The following ZBBX variants were observed in gnomAD, a reference collection of about 807,000 sequenced individuals.
The protein encoded by ZBBX is zinc finger B-box domain-containing protein 1.
In ZBBX, 101 loss-of-function variants were observed where a neutral mutation model predicts 108.5. That is an observed-to-expected ratio of 0.93 (90% confidence interval 0.79 to 1.10). The LOEUF (loss-of-function observed/expected upper bound fraction) is 1.10, where lower values mean the gene tolerates loss of function less well. Ranked by LOEUF, ZBBX falls within the 50% of genes least tolerant of loss-of-function variation. The probability of loss-of-function intolerance (pLI) is 0.00; values close to 1 mark genes in which losing one functional copy is unlikely to be tolerated. For missense variants in ZBBX, 1,009 were observed against 941.4 expected (o/e 1.07, Z -0.94); for synonymous variants, 356 against 323.4 (o/e 1.10, Z -1.08).
At chr3:167,333,577 G>A (rs1739030453) in intron 10 of ZBBX, among the ~76,000 whole-genome samples, 1 of 152,146 alleles carries the variant, frequency 6.6e-6, no homozygotes, top group South Asian at 2.1e-4. Flanking sequence ...TGACATGGAT[G>A]AAAATGTCCA....
intron 16 of ZBBX, among the ~76,000 whole-genome samples, chr3:167,307,820 A>T (rs1406224736): frequency 1.3e-5 from 2 of 152,106 alleles, no homozygotes; most frequent in Non-Finnish European, 2.9e-5. Context: ...AACTCAAGAT[A>T]GATTAAATAC....
intron 20 of ZBBX, among the ~76,000 whole-genome samples, chr3:167,259,942 T>G (rs1473876112): frequency 6.6e-6 from 1 of 152,206 alleles, no homozygotes; most frequent in East Asian, 1.9e-4. Flanking sequence ...TGAATTAAGC[T>G]TTAAACAGGT....
Position 167,298,419 on chromosome 3 carries a change from T to C in ZBBX, c.1765A>G (p.Lys589Glu), listed in dbSNP as rs1322794743. 6.3e-7 allele frequency: 1 copy of C among 1,576,268 alleles called. No individual in the cohort carries two copies. Among genetic ancestry groups the C allele is most frequent in the Non-Finnish European group, 8.6e-7 (1 of 1,156,958 alleles). Reference sequence around the variant, plus strand: ...AATCTCTCAAGTCCTTGATATTGTTTTGTTATAGGCTTACTTCTGCAGGCT... The same window carrying C: ...AATCTCTCAAGTCCTTGATATTGTTCTGTTATAGGCTTACTTCTGCAGGCT... ...EIACRSKPIT[K>E]QYQGLERFFI... is the part of the protein sequence containing the mutation. The change falls in exon 18 of 22, where the codon AAA (lysine) becomes GAA (glutamate). Residue 589 changes from lysine (K) to glutamate (E), a missense_variant. By Grantham distance (56) the Lys-to-Glu change is moderately conservative. Coordinates refer to ENST00000675490, the MANE Select transcript of ZBBX (RefSeq NM_001199201.2).
Position 167,313,998 on chromosome 3 carries a change from T to C in ZBBX, c.1393A>G (p.Thr465Ala). 5.6e-6 allele frequency: 9 copies of C among 1,602,142 alleles called. No individual in the cohort carries two copies. The highest frequency in any genetic ancestry group is 6.8e-6 in the Non-Finnish European group (8 of 1,174,738). Reference protein sequence around the residue: ...FLNLCLRNSSTYYKDNSKAET... With the variant: ...FLNLCLRNSSAYYKDNSKAET... ...CCTTTTGAATTATCTTTATAATAAG[T>C]AGAGCTGTTTCTCAGACAAAGATTT... The change falls in exon 16 of 22, where the codon ACT becomes GCT. Residue 465 changes from threonine to alanine, a missense_variant. By Grantham distance (58) the Thr-to-Ala change is moderately conservative. Coordinates refer to ENST00000675490, the MANE Select transcript of ZBBX (RefSeq NM_001199201.2).
In ZBBX at chr3:167,377,674, A is replaced by G. The variant is rs190461387; in HGVS notation, c.-132+1964T>C. ...CTATCTGTAATTATCCTTATTTTAA[A>G]TATATATATTTTTTAAAATATTTAA... is the stretch of plus-strand genomic sequence containing the variant. On this transcript the variant is annotated intron_variant, in intron 2 of 21. Transcript: ENST00000675490. 7.2e-5 allele frequency among the ~76,000 whole-genome samples: 11 copies of G among 151,740 alleles called. No homozygotes were observed. In the East Asian group the frequency reaches 1.7e-3, roughly 24 times the overall value.
chr3:167,399,532 A>C (rs931179273), intron 1 of ZBBX: 1 of 152,152 alleles, frequency 6.6e-6, no homozygotes, highest in Non-Finnish European at 1.5e-5. Flanking sequence ...TGACTGAAAA[A>C]AGATTGACTG....
At chr3:167,279,501 C>T (rs1351519731) in intron 20 of ZBBX, among the ~76,000 whole-genome samples, 1 of 150,774 alleles carries the variant, frequency 6.6e-6, no homozygotes, top group African/African-American at 2.4e-5. Flanking sequence ...TTCACAATTG[C>T]TTCAAAGAGA....
intron 11 of ZBBX, among the ~76,000 whole-genome samples, 167 bp downstream of exon 11, chr3:167,327,775 A>T (rs1352605418): frequency 6.6e-6 from 1 of 151,886 alleles, no homozygotes; most frequent in Admixed American, 6.6e-5. Context: ...TTAGCCAGGC[A>T]TGGTGGCACG....
At chr3:167,187,059 T>C in the ZBBX span, among the ~76,000 whole-genome samples, 2 of 152,294 alleles carry the variant, frequency 1.3e-5, no homozygotes, top group Non-Finnish European at 2.9e-5. Flanking sequence ...ACCATTTATT[T>C]TGCAGAGTAA....
chr3:167,217,481 G>T, the ZBBX span, among the ~76,000 whole-genome samples: 1 of 152,138 alleles, frequency 6.6e-6, no homozygotes. Flanking sequence ...TGCTGGTAAG[G>T]TTACAGAGGA....
At chr3:167,179,872 T>C in the ZBBX span, among the ~76,000 whole-genome samples, 1 of 152,250 alleles carries the variant, frequency 6.6e-6, no homozygotes, top group Admixed American at 6.5e-5. Context: ...GAAATGGTTA[T>C]CGAGAATACC....
intron 2 of ZBBX, among the ~76,000 whole-genome samples, chr3:167,376,965 G>T (rs1356292156): frequency 2.6e-5 from 4 of 152,160 alleles, no homozygotes; most frequent in Non-Finnish European, 4.4e-5. Context: ...TAAAACCAGA[G>T]GAATACAGAT....
chr3:167,281,422 G>A lies in ZBBX; in HGVS notation c.2254+816C>T, dbSNP rs1033526401. 5.3e-5 allele frequency among the ~76,000 whole-genome samples: 8 copies of A among 151,996 alleles called. No homozygotes were observed. The South Asian group carries it at 8.3e-4, about 16-fold the overall frequency. ...TAATTTATAGAACAATAGCAAAGTCGTTACTCCAAGATCAATAAAGGAAGA... is the reference window on the plus strand; with the variant it reads ...TAATTTATAGAACAATAGCAAAGTCATTACTCCAAGATCAATAAAGGAAGA... On this transcript the variant is annotated intron_variant, in intron 20 of 21. Transcript: ENST00000675490.
chr3:167,375,067 C>T (rs1446028438), intron 2 of ZBBX, among the ~76,000 whole-genome samples: 1 of 152,132 alleles, frequency 6.6e-6, no homozygotes, highest in African/African-American at 2.4e-5. Flanking sequence ...TAACAAGAGT[C>T]TAATGGGATT....
At chr3:167,353,979 A>T (rs1001799002) in intron 8 of ZBBX, among the ~76,000 whole-genome samples, 15 of 152,034 alleles carry the variant, frequency 9.9e-5, no homozygotes, top group Admixed American at 8.5e-4. Flanking sequence ...CTACTGCCCA[A>T]TAAACCCATC....
At chr3:167,191,896 CATATATATATATATATATATATAT>C in the ZBBX span, among the ~76,000 whole-genome samples, 40 of 67,950 alleles carry the variant, frequency 5.9e-4, 2 homozygotes, top group African/African-American at 2.1e-3. Flanking sequence ...TTACAAAAAT[CATATATATATATATATATATATAT>C]ATATATATAT....
chr3:167,304,090 A>G (rs1733176447), intron 17 of ZBBX, among the ~76,000 whole-genome samples: 1 of 152,140 alleles, frequency 6.6e-6, no homozygotes, highest in African/African-American at 2.4e-5. Flanking sequence ...AGCAGTCCAT[A>G]CTGTCTTATT....
Position 167,361,690 on chromosome 3 carries a change from T to G in ZBBX, c.274-967A>C, listed in dbSNP as rs1744529337. ...GTACTAAACACAGCAGAAAAGAAAATAAGATTGAAATCATCAATTTTTCTA... is the reference window on the plus strand; with the variant it reads ...GTACTAAACACAGCAGAAAAGAAAAGAAGATTGAAATCATCAATTTTTCTA... On this transcript the variant is annotated intron_variant, in intron 6 of 21. Coordinates refer to ENST00000675490, the MANE Select transcript of ZBBX (RefSeq NM_001199201.2). 2.6e-5 allele frequency among the ~76,000 whole-genome samples: 4 copies of G among 152,236 alleles called. No individual in the cohort carries two copies. In the South Asian group the frequency reaches 8.3e-4, roughly 32 times the overall value.
intron 20 of ZBBX, among the ~76,000 whole-genome samples, chr3:167,271,630 C>T (rs1277617659): frequency 3.3e-5 from 5 of 152,110 alleles, no homozygotes; most frequent in African/African-American, 7.2e-5. Flanking sequence ...TCTCAGAGTT[C>T]ATGGGTGTAT....
Sources: gnomAD v4.1 joint callset for allele counts (sites outside exome capture counted in the v4.1 genomes callset) on GRCh38, gnomAD v4.1.1 for gene constraint, MANE v1.5 for transcripts, NCBI Gene and HGNC (gene_info 2026-07-23, HGNC 2026-07-21) for gene names.